FOXJ3: variants seen among roughly 807,000 people sequenced by gnomAD.
FOXJ3 encodes forkhead box protein J3.
FOXJ3 carries 22 observed loss-of-function variants against 76.1 expected under a neutral mutation model. The ratio of observed to expected loss-of-function variants is 0.29; its 90% CI spans 0.21 to 0.41. The LOEUF (loss-of-function observed/expected upper bound fraction) is 0.41. FOXJ3 is among the 10% of genes least tolerant of loss of function. The probability of loss-of-function intolerance (pLI) is 1.00; values close to 1 mark genes in which losing one functional copy is unlikely to be tolerated. For synonymous variants in FOXJ3, 269 were observed against 261.2 expected (o/e 1.03, Z -0.29); for missense variants, 613 against 762.1 (o/e 0.80, Z 2.30).
chr1:42,279,937 G>C (rs1652573983), intron 2 of FOXJ3, among the ~76,000 whole-genome samples: 1 of 152,024 alleles, frequency 6.6e-6, no homozygotes, highest in Non-Finnish European at 1.5e-5. Context: ...ATTATGTATA[G>C]GATCTGAACA....
At chr1:42,201,092 G>T (rs1274501703) in intron 6 of FOXJ3, among the ~76,000 whole-genome samples, 1 of 20,830 alleles carries the variant, frequency 4.8e-5, no homozygotes. Context: ...TATTTTCAAG[G>T]CAGAAATAAA....
At chr1:42,251,049 C>A (rs775456627) in intron 4 of FOXJ3, among the ~76,000 whole-genome samples, 2 of 151,706 alleles carry the variant, frequency 1.3e-5, no homozygotes, top group Non-Finnish European at 2.9e-5. Context: ...TGAAAATATC[C>A]CAAATTTGGA....
At chr1:42,232,768 T>C (rs1227389341) in intron 4 of FOXJ3, among the ~76,000 whole-genome samples, 1 of 152,248 alleles carries the variant, frequency 6.6e-6, no homozygotes, top group African/African-American at 2.4e-5. Flanking sequence ...GATGGTAGTT[T>C]CTTTGGCTGT....
chr1:42,303,817 T>C (rs1003417021), intron 2 of FOXJ3, among the ~76,000 whole-genome samples: 2 of 152,124 alleles, frequency 1.3e-5, no homozygotes, highest in African/African-American at 4.8e-5. Flanking sequence ...CTCTAATAAA[T>C]GTTAGGTAAT....
chr1:42,195,170 A>G, intron 7 of FOXJ3, 106 bp from the exon 8 acceptor site: 1 of 820,356 alleles, frequency 1.2e-6, no homozygotes, highest in Non-Finnish European at 1.8e-6. Flanking sequence ...GAATTCAAAG[A>G]AAATAACTCT....
At position 42,189,367 on chromosome 1, in the gene FOXJ3, T is replaced by C. The variant is rs2124180556; in HGVS notation, c.1389A>G (p.Leu463=). The C allele has an allele frequency of 6.2e-7, 1 of 1,613,582 alleles. No homozygotes were observed. The highest frequency in any genetic ancestry group is 8.5e-7 in the Non-Finnish European group (1 of 1,179,554). ...TGCTGGCAATTCGACAGCTTTCTTT[T>C]AGCATATCAAGTGTCGCATACCAAT... ...SNDWYATLDM[L]KESCRIASSV... is the part of the protein sequence containing the mutation. The change falls in exon 10 of 13, where the codon CTA becomes CTG. Residue 463 remains leucine (L), a synonymous_variant. Coordinates refer to ENST00000361346, the MANE Select transcript of FOXJ3 (RefSeq NM_014947.5).
At chr1:42,180,083 C>T (rs1454031193) in intron 12 of FOXJ3, among the ~76,000 whole-genome samples, 1 of 152,194 alleles carries the variant, frequency 6.6e-6, no homozygotes, top group Non-Finnish European at 1.5e-5. Flanking sequence ...TTGATCCACA[C>T]TCCTTCCATT....
chr1:42,276,332 G>A (rs920710185), intron 3 of FOXJ3, among the ~76,000 whole-genome samples: 6 of 151,866 alleles, frequency 4.0e-5, no homozygotes, highest in Non-Finnish European at 5.9e-5. Context: ...CTCCAGCCTG[G>A]ACAACAAAGC....
intron 11 of FOXJ3, among the ~76,000 whole-genome samples, chr1:42,187,411 A>C (rs1646459822): frequency 6.6e-6 from 1 of 152,228 alleles, no homozygotes; most frequent in Non-Finnish European, 1.5e-5. Flanking sequence ...GAAAAAAGGG[A>C]CAAAAAACAG....
chr1:42,321,891 G>A (rs1655452642), intron 1 of FOXJ3, among the ~76,000 whole-genome samples: 1 of 152,024 alleles, frequency 6.6e-6, no homozygotes, highest in Admixed American at 6.6e-5. Context: ...AAAAAAATGG[G>A]AGACTTTATC....
chr1:42,303,714 G>A (rs138086043), intron 2 of FOXJ3, among the ~76,000 whole-genome samples: 134 of 152,310 alleles, frequency 8.8e-4, no homozygotes, highest in Non-Finnish European at 1.4e-3. Flanking sequence ...GAGCAGAAGT[G>A]ATCTCAGGTA....
At chr1:42,228,593 G>C (rs1467971088) in intron 4 of FOXJ3, among the ~76,000 whole-genome samples, 1 of 142,518 alleles carries the variant, frequency 7.0e-6, no homozygotes, top group Non-Finnish European at 1.5e-5. Flanking sequence ...CTTTGGAAAA[G>C]CATAGATCCA....
intron 1 of FOXJ3, chr1:42,334,203 A>T: frequency 9.3e-6 from 7 of 753,082 alleles, no homozygotes; most frequent in Non-Finnish European, 1.1e-5. Flanking sequence ...AAGAGCAGCT[A>T]ATGGAAGAGG....
At chr1:42,189,819 G>A (rs1045798500) in intron 9 of FOXJ3, 2 of 159,262 alleles carry the variant, frequency 1.3e-5, no homozygotes, top group Non-Finnish European at 2.7e-5. Context: ...CCTATATAAA[G>A]TTCATTTTCC....
chr1:42,206,097 G>A (rs1173033815), intron 5 of FOXJ3: 8 of 420,176 alleles, frequency 1.9e-5, no homozygotes, highest in African/African-American at 1.4e-4. Flanking sequence ...CTGCAGGATA[G>A]GCTGACAAAA....
At chr1:42,187,551 G>C (rs922409620) in intron 11 of FOXJ3, among the ~76,000 whole-genome samples, 3 of 152,126 alleles carry the variant, frequency 2.0e-5, no homozygotes, top group African/African-American at 7.2e-5. Flanking sequence ...CTGTCCATCT[G>C]CAAGAAAAGA....
chr1:42,279,241 A>G (rs771580662), intron 2 of FOXJ3, among the ~76,000 whole-genome samples: 3 of 152,228 alleles, frequency 2.0e-5, no homozygotes, highest in African/African-American at 7.2e-5. Context: ...AGCAGGGTAT[A>G]CAAGAATAGC....
chr1:42,211,934 C>T (rs149693929), intron 5 of FOXJ3, among the ~76,000 whole-genome samples: 230 of 152,216 alleles, frequency 1.5e-3, no homozygotes, highest in African/African-American at 5.0e-3. Flanking sequence ...TGAAAAGACA[C>T]AGTTGAATCA....
chr1:42,267,456 T>A (rs1425857408), intron 3 of FOXJ3, among the ~76,000 whole-genome samples: 1 of 152,082 alleles, frequency 6.6e-6, no homozygotes, highest in Admixed American at 6.6e-5. Context: ...ACAGACAGAC[T>A]CAATCCCCAC....
Sources: gnomAD v4.1 joint callset for allele counts (sites outside exome capture counted in the v4.1 genomes callset) on GRCh38, gnomAD v4.1.1 for gene constraint, MANE v1.5 for transcripts, NCBI Gene and HGNC (gene_info 2026-07-23, HGNC 2026-07-21) for gene names.